The following ADCY2 variants were observed in gnomAD, a reference collection of about 807,000 sequenced individuals.
The protein encoded by ADCY2 is adenylate cyclase 2.
ADCY2 carries 31 observed loss-of-function variants against 125.2 expected under a neutral mutation model. The ratio of observed to expected loss-of-function variants is 0.25; its 90% CI spans 0.19 to 0.33. ADCY2 has a LOEUF of 0.33. Among genes scored for constraint, ADCY2 ranks in the 10% least tolerant of loss-of-function variants. The pLI, the probability that ADCY2 is intolerant of heterozygous loss-of-function variation, is 1.00. For missense variants in ADCY2, 904 were observed against 1,418.2 expected (o/e 0.64, Z 5.82); for synonymous variants, 512 against 548.4 (o/e 0.93, Z 0.93).
In ADCY2 at chr5:7,664,510, C is replaced by T. The variant is rs572095980; in HGVS notation, c.721-26181C>T. On this transcript the variant is annotated intron_variant, in intron 4 of 24. Coordinates refer to ENST00000338316, the MANE Select transcript of ADCY2 (RefSeq NM_020546.3). ...CTTTTTATCTTGCCCAATTTCCTAT[C>T]TAAGGGGTCTGGGGAGTCATGCCCT... Among the ~76,000 whole-genome samples, 16 of 152,280 alleles carry T rather than the reference C, an allele frequency of 1.1e-4. No homozygotes were observed. The South Asian group carries it at 2.5e-3, about 24-fold the overall frequency.
intron 2 of ADCY2, among the ~76,000 whole-genome samples, chr5:7,478,059 A>G (rs1742585929): frequency 6.6e-6 from 1 of 152,198 alleles, no homozygotes. Context: ...ATATTGGTTG[A>G]TAAAAGTGAC....
intron 14 of ADCY2, among the ~76,000 whole-genome samples, chr5:7,740,769 T>C (rs1312930956): frequency 6.6e-6 from 1 of 152,094 alleles, no homozygotes; most frequent in African/African-American, 2.4e-5. Flanking sequence ...AGAGTTATAA[T>C]GAGTAGCTAT....
intron 3 of ADCY2, among the ~76,000 whole-genome samples, chr5:7,579,484 A>T (rs1390201884): frequency 1.3e-5 from 2 of 152,158 alleles, no homozygotes. Context: ...TCTACACCTG[A>T]GACTGGCTGT....
At chr5:7,720,749 G>A (rs995708855) in intron 12 of ADCY2, among the ~76,000 whole-genome samples, 14 of 152,132 alleles carry the variant, frequency 9.2e-5, no homozygotes, top group Non-Finnish European at 1.3e-4. Context: ...TGGCTGCATA[G>A]TATTCCATGG....
rs1741343803 is a variant in ADCY2, at chr5:7,448,151, G to GACTTT, written c.408+33381_408+33382insACTTT. On this transcript the variant is annotated intron_variant, in intron 2 of 24. Coordinates refer to ENST00000338316, the MANE Select transcript of ADCY2 (RefSeq NM_020546.3). ...TTCTTCTAATCCCACAAGACCCTGA[G>GACTTT]GTAGGGATGGGGTCTTTCTGGTTAT... 2.6e-5 allele frequency among the ~76,000 whole-genome samples: 4 copies of GACTTT among 152,340 alleles called. No homozygotes were observed. In the South Asian group the frequency reaches 8.3e-4, roughly 32 times the overall value.
chr5:7,571,054 T>C (rs1469882591), intron 3 of ADCY2, among the ~76,000 whole-genome samples: 2 of 152,130 alleles, frequency 1.3e-5, no homozygotes, highest in East Asian at 1.9e-4. Context: ...TTGGTAAATA[T>C]ATGCTATGGG....
chr5:7,438,272 A>T (rs1055434178), intron 2 of ADCY2, among the ~76,000 whole-genome samples: 4 of 152,226 alleles, frequency 2.6e-5, no homozygotes, highest in African/African-American at 9.6e-5. Flanking sequence ...CAGTTCAACA[A>T]GTAATTATGG....
intron 4 of ADCY2, among the ~76,000 whole-genome samples, chr5:7,627,428 C>T (rs1016158872): frequency 3.3e-5 from 5 of 152,122 alleles, no homozygotes; most frequent in African/African-American, 9.7e-5. Flanking sequence ...TGCTTCACTC[C>T]GGGTGATGGC....
chr5:7,520,154 A>G (rs764474272), intron 2 of ADCY2, among the ~76,000 whole-genome samples: 14 of 152,146 alleles, frequency 9.2e-5, no homozygotes, highest in Non-Finnish European at 1.6e-4. Context: ...TTTCAATTCT[A>G]TTGGAAATAT....
chr5:7,632,624 C>T (rs1421066527), intron 4 of ADCY2, among the ~76,000 whole-genome samples: 1 of 152,134 alleles, frequency 6.6e-6, no homozygotes, highest in Non-Finnish European at 1.5e-5. Context: ...AAAAGGTTCT[C>T]ATCACAGTGT....
At chr5:7,493,167 G>C (rs1366978962) in intron 2 of ADCY2, among the ~76,000 whole-genome samples, 1 of 152,124 alleles carries the variant, frequency 6.6e-6, no homozygotes, top group Non-Finnish European at 1.5e-5. Flanking sequence ...AAAGTAAGAG[G>C]TATGGGAGGA....
intron 4 of ADCY2, among the ~76,000 whole-genome samples, chr5:7,689,778 C>A (rs768780437): frequency 1.3e-5 from 2 of 152,126 alleles, no homozygotes; most frequent in African/African-American, 2.4e-5. Flanking sequence ...TAAAGTGTTT[C>A]ATTGAACAAA....
In ADCY2 at chr5:7,824,510, G is replaced by A. The variant is rs553403071; in HGVS notation, c.3124-2209G>A. Among the ~76,000 whole-genome samples, 445 of 152,344 alleles carry A rather than the reference G, an allele frequency of 2.9e-3. 10 individuals are homozygous for A. Among genetic ancestry groups the A allele is most frequent in the Middle Eastern group, 0.01 (3 of 294 alleles). On this transcript the variant is annotated intron_variant, in intron 24 of 24. Transcript: ENST00000338316. Reference sequence around the variant, plus strand: ...GAAGGCCGCTCGTCCAATGACTGCAGAATTTGCAAACCTGAGTTTCATTGG... The same window carrying A: ...GAAGGCCGCTCGTCCAATGACTGCAAAATTTGCAAACCTGAGTTTCATTGG...
intron 4 of ADCY2, among the ~76,000 whole-genome samples, chr5:7,644,391 C>T (rs1738822490): frequency 6.6e-6 from 1 of 152,044 alleles, no homozygotes; most frequent in Non-Finnish European, 1.5e-5. Context: ...TTTTTCCTCT[C>T]CTTGTCCTTT....
intron 4 of ADCY2, among the ~76,000 whole-genome samples, chr5:7,644,602 A>G (rs939253174): frequency 3.3e-5 from 5 of 152,102 alleles, no homozygotes; most frequent in Non-Finnish European, 7.4e-5. Flanking sequence ...TTAACACCAT[A>G]AACTCAGAAT....
intron 18 of ADCY2, among the ~76,000 whole-genome samples, chr5:7,778,072 A>G (rs1242480549): frequency 2.0e-5 from 3 of 152,194 alleles, no homozygotes; most frequent in African/African-American, 4.8e-5. Flanking sequence ...TGTGGTTCCT[A>G]TCTATGACAC....
chr5:7,630,997 C>T (rs1264950106), intron 4 of ADCY2, among the ~76,000 whole-genome samples: 1 of 152,040 alleles, frequency 6.6e-6, no homozygotes, highest in Non-Finnish European at 1.5e-5. Context: ...TGCCATGTTG[C>T]CCAGGCTGGT....
intron 14 of ADCY2, among the ~76,000 whole-genome samples, chr5:7,734,209 G>C (rs774951839): frequency 2.6e-5 from 4 of 152,210 alleles, no homozygotes; most frequent in Admixed American, 6.5e-5. Context: ...CCAGGAAAGA[G>C]TCCGTGAAAG....
intron 2 of ADCY2, among the ~76,000 whole-genome samples, chr5:7,483,174 A>G (rs1375447136): frequency 2.0e-5 from 3 of 152,194 alleles, no homozygotes; most frequent in African/African-American, 7.2e-5. Context: ...GAATTAGAAT[A>G]TTTCCAACAA....
Sources: allele counts gnomAD v4.1 joint callset (sites outside exome capture counted in the v4.1 genomes callset), GRCh38; gene constraint gnomAD v4.1.1; transcripts MANE v1.5; gene names NCBI Gene and HGNC (gene_info 2026-07-23, HGNC 2026-07-21).